Variants in JAKMIP3 observed in about 807,000 individuals in gnomAD.
JAKMIP3 encodes the protein janus kinase and microtubule-interacting protein 3.
Under a neutral mutation model 118.5 loss-of-function variants are expected in JAKMIP3, and 58 were observed. The ratio of observed to expected loss-of-function variants is 0.49; its 90% CI spans 0.40 to 0.61. JAKMIP3 has a LOEUF of 0.61. Ranked by LOEUF, JAKMIP3 falls within the 20% of genes least tolerant of loss-of-function variation. The probability of loss-of-function intolerance (pLI) is 0.00; values close to 1 mark genes in which losing one functional copy is unlikely to be tolerated. For synonymous variants in JAKMIP3, 486 were observed against 451.2 expected (o/e 1.08, Z -0.98); for missense variants, 950 against 1,109.0 (o/e 0.86, Z 2.04).
In JAKMIP3 at chr10:132,069,719, G is replaced by A. The variant is rs76288696; in HGVS notation, c.-138+3658G>A. ...CATGGCTCTGGTCTCAGAGTGGGAAGAAGAGGAAACCATGGACAGAAGGAC... is the reference window on the plus strand; with the variant it reads ...CATGGCTCTGGTCTCAGAGTGGGAAAAAGAGGAAACCATGGACAGAAGGAC... On this transcript the variant is annotated intron_variant, in intron 1 of 23. Transcript: ENST00000684848. 8.1e-3 allele frequency among the ~76,000 whole-genome samples: 1,227 copies of A among 152,360 alleles called. 13 individuals carry two copies. Among genetic ancestry groups the A allele is most frequent in the African/African-American group, 0.027 (1,142 of 41,590 alleles).
intron 23 of JAKMIP3, among the ~76,000 whole-genome samples, chr10:132,169,357 C>T (rs1292025802): frequency 1.3e-5 from 2 of 152,174 alleles, no homozygotes; most frequent in Non-Finnish European, 2.9e-5. Flanking sequence ...GCAATGAGGC[C>T]GCTCTCCGAG....
In JAKMIP3 at chr10:132,104,728, C is replaced by A; in HGVS notation, c.-81C>A. Reference sequence around the variant, plus strand: ...CGGGTGACACCTGCTGGGAGCTTGGCGTGGACACCCCAGCCACCCCCAGCC... The same window carrying A: ...CGGGTGACACCTGCTGGGAGCTTGGAGTGGACACCCCAGCCACCCCCAGCC... On this transcript the variant is annotated 5_prime_UTR_variant, in exon 2 of 24. Coordinates refer to ENST00000684848, the MANE Select transcript of JAKMIP3 (RefSeq NM_001323087.2). 7.1e-7 allele frequency: 1 copy of A among 1,412,108 alleles called. No homozygotes were observed. 87.5% of individuals were successfully genotyped at this position (1,412,108 alleles called of 1,614,324 possible).
At chr10:132,169,511 C>T (rs2059265864) in intron 23 of JAKMIP3, among the ~76,000 whole-genome samples, 1 of 152,172 alleles carries the variant, frequency 6.6e-6, no homozygotes, top group African/African-American at 2.4e-5. Flanking sequence ...GGGCATGCTC[C>T]ACCGTGGAGC....
At chr10:132,177,521 A>AGTGTGT (rs4009680) in intron 23 of JAKMIP3, among the ~76,000 whole-genome samples, 4 of 144,764 alleles carry the variant, frequency 2.8e-5, no homozygotes, top group Admixed American at 6.8e-5. Context: ...TGCCCTGGGT[A>AGTGTGT]GTGTGTGTGT....
intron 1 of JAKMIP3, among the ~76,000 whole-genome samples, chr10:132,068,279 C>A (rs1038686410): frequency 1.9e-4 from 29 of 152,326 alleles, no homozygotes; most frequent in African/African-American, 6.7e-4. Flanking sequence ...GGACCAATGC[C>A]ATATCTTTTT....
At chr10:132,100,330 C>G (rs2044650124) in intron 1 of JAKMIP3, among the ~76,000 whole-genome samples, 1 of 152,216 alleles carries the variant, frequency 6.6e-6, no homozygotes. Flanking sequence ...GCTGGACCTC[C>G]CGCATGGCTG....
intron 1 of JAKMIP3, among the ~76,000 whole-genome samples, chr10:132,072,521 C>A (rs2040123476): frequency 6.6e-6 from 1 of 152,076 alleles, no homozygotes; most frequent in South Asian, 2.1e-4. Flanking sequence ...GGGGACAGAT[C>A]AACAGCCTGT....
chr10:132,130,227 T>C (rs1202009859), intron 3 of JAKMIP3, among the ~76,000 whole-genome samples: 1 of 152,206 alleles, frequency 6.6e-6, no homozygotes, highest in Non-Finnish European at 1.5e-5. Context: ...GACCAGGCTC[T>C]GTATCTCATC....
chr10:132,047,642 C>A (rs2037956835), intron 1 of JAKMIP3, among the ~76,000 whole-genome samples: 2 of 151,848 alleles, frequency 1.3e-5, no homozygotes, highest in South Asian at 2.1e-4. Flanking sequence ...CCCCCCCCTG[C>A]GAGTTGGCGG....
chr10:132,109,073 TACAC>T (rs137985077), intron 2 of JAKMIP3, among the ~76,000 whole-genome samples: 2,435 of 140,970 alleles, frequency 0.017, 88 homozygotes, highest in African/African-American at 0.062. Flanking sequence ...TATACACACA[TACAC>T]ATATATATAC....
chr10:132,054,982 C>T (rs532232997), intron 1 of JAKMIP3, among the ~76,000 whole-genome samples: 5 of 151,736 alleles, frequency 3.3e-5, no homozygotes, highest in East Asian at 4.0e-4. Context: ...GAGGACCCTC[C>T]GCTTGGGGAT....
intron 1 of JAKMIP3, among the ~76,000 whole-genome samples, chr10:132,052,706 TTTG>T (rs1333039780): frequency 6.6e-6 from 1 of 152,226 alleles, no homozygotes; most frequent in Non-Finnish European, 1.5e-5. Context: ...ATTTATTACA[TTTG>T]TTATTTCTAA....
intron 21 of JAKMIP3, among the ~76,000 whole-genome samples, chr10:132,164,978 C>T (rs1473987835): frequency 4.6e-5 from 7 of 152,236 alleles, no homozygotes; most frequent in Admixed American, 4.6e-4. Flanking sequence ...TAGGAATGCC[C>T]CTGCCAGGGC....
chr10:132,144,321 T>C (rs142066194), intron 11 of JAKMIP3: 2 of 152,272 alleles, frequency 1.3e-5, no homozygotes, highest in Non-Finnish European at 2.9e-5. Context: ...GAACACAGAA[T>C]TCAGGAAGGC....
At chr10:132,081,121 T>C (rs530481019) in intron 1 of JAKMIP3, among the ~76,000 whole-genome samples, 1 of 152,328 alleles carries the variant, frequency 6.6e-6, no homozygotes, top group East Asian at 1.9e-4. Context: ...GGTTAACTTT[T>C]GCATAGGGTG....
At chr10:132,111,594 A>G (rs2046887617) in intron 2 of JAKMIP3, among the ~76,000 whole-genome samples, 1 of 151,598 alleles carries the variant, frequency 6.6e-6, no homozygotes, top group Non-Finnish European at 1.5e-5. Flanking sequence ...GACACTTTGG[A>G]GGGAGAAAGG....
At chr10:132,061,086 C>T (rs148736663), upstream of JAKMIP3, among the ~76,000 whole-genome samples, 29 of 152,308 alleles carry the variant, frequency 1.9e-4, 1 homozygote, top group African/African-American at 7.0e-4. Context: ...TTTCAGCAAG[C>T]TGCTAGTATA....
At chr10:132,158,527 C>T (rs2057360264) in intron 19 of JAKMIP3, among the ~76,000 whole-genome samples, 1 of 152,232 alleles carries the variant, frequency 6.6e-6, no homozygotes, top group South Asian at 2.1e-4. Flanking sequence ...CATTCAGCCC[C>T]AAAGACCAGT....
At chr10:132,169,616 G>T (rs2059278624) in intron 23 of JAKMIP3, among the ~76,000 whole-genome samples, 1 of 152,184 alleles carries the variant, frequency 6.6e-6, no homozygotes, top group Non-Finnish European at 1.5e-5. Flanking sequence ...GCCGGTTCTT[G>T]GGGAGGCAGT....
Sources: gnomAD v4.1 joint callset for allele counts (sites outside exome capture counted in the v4.1 genomes callset) on GRCh38, gnomAD v4.1.1 for gene constraint, MANE v1.5 for transcripts, NCBI Gene and HGNC (gene_info 2026-07-23, HGNC 2026-07-21) for gene names.